DYRK2: variants seen among roughly 807,000 people sequenced by gnomAD.
DYRK2 encodes the protein dual specificity tyrosine phosphorylation regulated kinase 2.
DYRK2 carries 12 observed loss-of-function variants against 41.6 expected under a neutral mutation model. That is an observed-to-expected ratio of 0.29 (90% CI 0.18 to 0.47). DYRK2 has a LOEUF of 0.47. DYRK2 is among the 20% of genes least tolerant of loss of function. DYRK2 has a pLI of 1.00. For missense variants in DYRK2, 678 were observed against 798.4 expected (o/e 0.85, Z 1.82); for synonymous variants, 322 against 315.7 (o/e 1.02, Z -0.21).
Position 67,658,451 on chromosome 12 carries a change from G to A in DYRK2, c.1544G>A (p.Cys515Tyr). 6.3e-7 allele frequency: 1 copy of A among 1,595,248 alleles called. No homozygotes were observed. Among genetic ancestry groups the A allele is most frequent in the Non-Finnish European group, 8.5e-7 (1 of 1,171,090 alleles). Reference sequence around the variant, plus strand: ...CTTTTCCTTGACTTCTTAAAACAGTGTTTAGAGTGGGATCCTGCAGTGCGC... The same window carrying A: ...CTTTTCCTTGACTTCTTAAAACAGTATTTAGAGTGGGATCCTGCAGTGCGC... ...DPLFLDFLKQ[C>Y]LEWDPAVRMT... The change falls in exon 3 of 3, where the codon TGT (cysteine) becomes TAT (tyrosine). Residue 515 changes from cysteine (C) to tyrosine (Y), a missense_variant. This residue lies in a region of DYRK2 where 393 missense variants were observed against 519.1 expected (regional missense o/e 0.76). Transcript: ENST00000344096. The surrounding 1 kb of genome is among the most constrained non-coding windows in gnomAD (Gnocchi z 4.3).
In DYRK2 at chr12:67,658,182, A is replaced by G; in HGVS notation, c.1275A>G (p.Glu425=). 1.2e-6 allele frequency: 2 copies of G among 1,614,172 alleles called. No homozygotes were observed. The highest frequency in any genetic ancestry group is 1.7e-6 in the Non-Finnish European group (2 of 1,180,028). ...CGGGTTACCCCCTCTTGCCTGGGGA[A>G]GATGAAGGGGACCAGCTGGCCTGTA... ...LLTGYPLLPG[E]DEGDQLACMI... is the part of the protein sequence containing the mutation. Residue 425 remains glutamate (E), a synonymous_variant, in exon 3 of 3, where the codon GAA becomes GAG. Transcript: ENST00000344096. This position sits in a 1 kb window ranked among gnomAD's most constrained non-coding sequence, Gnocchi z 4.3.
Position 67,658,359 on chromosome 12 carries a change from G to C in DYRK2, c.1452G>C (p.Arg484Ser). 6.2e-7 allele frequency: 1 copy of C among 1,611,182 alleles called. No homozygotes were observed. The highest frequency in any genetic ancestry group is 1.3e-5 in the African/African-American group (1 of 74,876). The change falls in exon 3 of 3, where the codon AGG (arginine) becomes AGC (serine). Residue 484 changes from arginine (R) to serine (S), a missense_variant. Arg to Ser is a moderately radical substitution (Grantham distance 110). Around this residue, in one of 2 missense-constraint regions of DYRK2, gnomAD observed 393 missense variants for 519.1 expected, o/e 0.76. Transcript: ENST00000344096. The surrounding 1 kb of genome is among the most constrained non-coding windows in gnomAD (Gnocchi z 4.3). ...TCCTAAACGGAGGCCGTTCCCGGAG[G>C]GGGAAACTGAGGGGCCCACCGGAGA... ...SVVLNGGRSR[R>S]GKLRGPPESR...
At chr12:67,653,924 A>G (rs149622114) in intron 2 of DYRK2, among the ~76,000 whole-genome samples, 9 of 152,384 alleles carry the variant, frequency 5.9e-5, no homozygotes, top group African/African-American at 2.2e-4. Flanking sequence ...TCACCTAGGT[A>G]TGAGAAAGGA....
At chr12:67,653,933 G>C (rs946168504) in intron 2 of DYRK2, among the ~76,000 whole-genome samples, 1 of 152,180 alleles carries the variant, frequency 6.6e-6, no homozygotes, top group Non-Finnish European at 1.5e-5. Flanking sequence ...TATGAGAAAG[G>C]AGATTACAAG....
Position 67,649,169 on chromosome 12 carries a change from C to T in DYRK2, c.36C>T (p.Ala12=), listed in dbSNP as rs763381071. 2 of 1,513,020 alleles carry T rather than the reference C, an allele frequency of 1.3e-6. No individual in the cohort carries two copies. Among genetic ancestry groups the T allele is most frequent in the East Asian group, 2.8e-5 (1 of 35,290 alleles). 93.7% of individuals were successfully genotyped at this position (1,513,020 alleles called of 1,614,324 possible). A position where few individuals can be genotyped will look rare whatever the true frequency, so the allele number is the denominator to read the frequency against. Residue 12 remains alanine (A), a synonymous_variant, in exon 1 of 3, where the codon GCC becomes GCT. Coordinates refer to ENST00000344096, the MANE Select transcript of DYRK2 (RefSeq NM_006482.3). ...GGAAACCTTCGGCCGCCGCTCCCGCCGCCTACCCGACCGGTAAGGAGGCCG... is the reference window on the plus strand; with the variant it reads ...GGAAACCTTCGGCCGCCGCTCCCGCTGCCTACCCGACCGGTAAGGAGGCCG... ...LTRKPSAAAP[A]AYPTGRGGDS...
rs752858847 is a variant in DYRK2, at chr12:67,649,812, G to T, written c.65G>T (p.Ser22Ile). The stretch of plus-strand genomic sequence containing the variant: ...TGGCTTCCAGGCCGAGGTGGGGACA[G>T]CGCCGTTCGTCAGCTTCAGGCTTCC... ...AAYPTGRGGDSAVRQLQASPG... is the reference protein window; with the variant it reads ...AAYPTGRGGDIAVRQLQASPG... Residue 22 changes from serine to isoleucine, a missense_variant, in exon 2 of 3, where the codon AGC (serine) becomes ATC (isoleucine). Ser to Ile is a moderately radical substitution (Grantham distance 142). Around this residue, in one of 2 missense-constraint regions of DYRK2, gnomAD observed 285 missense variants for 279.2 expected, o/e 1.02. Coordinates refer to ENST00000344096, the MANE Select transcript of DYRK2 (RefSeq NM_006482.3). The T allele has an allele frequency of 2.6e-5, 34 of 1,329,034 alleles. No homozygotes were observed. The highest frequency in any genetic ancestry group is 1.5e-4 in the Admixed American group (5 of 32,782). 82.3% of individuals were successfully genotyped at this position (1,329,034 alleles called of 1,614,324 possible). A position where few individuals can be genotyped will look rare whatever the true frequency, so the allele number is the denominator to read the frequency against.
At chr12:67,652,996 A>ATTTTTTTTTTTTTTTTTTT (rs538431655) in intron 2 of DYRK2, among the ~76,000 whole-genome samples, 1 of 151,370 alleles carries the variant, frequency 6.6e-6, no homozygotes, top group African/African-American at 2.5e-5. Flanking sequence ...TGCCTGGCTA[A>ATTTTTTTTTTTTTTTTTTT]TTTTTGTATT....
intron 2 of DYRK2, among the ~76,000 whole-genome samples, chr12:67,654,754 ATGAGTTAAGTT>A (rs1592712793): frequency 6.6e-6 from 1 of 152,200 alleles, no homozygotes; most frequent in East Asian, 1.9e-4. Flanking sequence ...TAGAAAAATC[ATGAGTTAAGTT>A]TGAGTTGCTT....
rs188321581 is a variant in DYRK2, at chr12:67,658,520, G to A, written c.1613G>A (p.Arg538Gln). ...TTGCGGCACCCCTGGCTGAGGAGGC[G>A]GTTGCCAAAGCCTCCCACCGGGGAG... ...QALRHPWLRRRLPKPPTGEKT... is the reference protein window; with the variant it reads ...QALRHPWLRRQLPKPPTGEKT... Residue 538 changes from arginine (R) to glutamine (Q), a missense_variant, in exon 3 of 3, where the codon CGG (arginine) becomes CAG (glutamine). Physicochemically the swap from Arg to Gln is conservative, Grantham distance 43. Transcript: ENST00000344096. The surrounding 1 kb of genome is among the most constrained non-coding windows in gnomAD (Gnocchi z 4.3). 5.6e-6 allele frequency: 9 copies of A among 1,612,836 alleles called. No individual in the cohort carries two copies. The highest frequency in any genetic ancestry group is 1.7e-5 in the Admixed American group (1 of 59,902).
chr12:67,657,702 G>A lies in DYRK2; in HGVS notation c.795G>A (p.Glu265=), dbSNP rs368230168. The change falls in exon 3 of 3, where the codon GAG becomes GAA. Residue 265 remains glutamate, a synonymous_variant. Coordinates refer to ENST00000344096, the MANE Select transcript of DYRK2 (RefSeq NM_006482.3). This position sits in a 1 kb window ranked among gnomAD's most constrained non-coding sequence, Gnocchi z 4.8. ...NEKRFHRQAA[E]EIRILEHLRK... ...AGCGCTTCCACCGGCAAGCAGCGGA[G>A]GAGATCCGAATCCTGGAACACCTGC... 217 of 1,614,154 alleles carry A rather than the reference G, an allele frequency of 1.3e-4. No homozygotes were observed. Among genetic ancestry groups the A allele is most frequent in the South Asian group, 2.6e-4 (24 of 91,082 alleles).
At position 67,661,629 on chromosome 12, in the gene DYRK2, C is replaced by T. The variant is rs1287097927; in HGVS notation, c.*2916C>T. Reference sequence around the variant, plus strand: ...AATGGAACCCATCTCTGCAAAGATACATCTGTCTTAAATATCTAGTTACAG... The same window carrying T: ...AATGGAACCCATCTCTGCAAAGATATATCTGTCTTAAATATCTAGTTACAG... On this transcript the variant is annotated 3_prime_UTR_variant, in exon 3 of 3. Transcript: ENST00000344096. 1 of 166,964 alleles carries T rather than the reference C, an allele frequency of 6.0e-6. No individual in the cohort carries two copies. Among genetic ancestry groups the T allele is most frequent in the Non-Finnish European group, 1.5e-5 (1 of 68,088 alleles). 10.3% of individuals were successfully genotyped at this position (166,964 alleles called of 1,614,324 possible).
intron 2 of DYRK2, among the ~76,000 whole-genome samples, chr12:67,650,754 A>G (rs1473558573): frequency 3.9e-5 from 6 of 152,106 alleles, no homozygotes; most frequent in African/African-American, 1.2e-4. Flanking sequence ...TCACCCTTGG[A>G]TGGTGATGGC....
Position 67,649,839 on chromosome 12 carries a change from C to T in DYRK2, c.92C>T (p.Pro31Leu). The change falls in exon 2 of 3, where the codon CCG becomes CTG. Residue 31 changes from proline to leucine, a missense_variant. Pro to Leu is a moderately conservative substitution (Grantham distance 98). Transcript: ENST00000344096. ...GCCGTTCGTCAGCTTCAGGCTTCCC[C>T]GGGGCTCGGTGCAGGGGCCACCCGG... ...DSAVRQLQAS[P>L]GLGAGATRSG... 1 of 1,330,648 alleles carries T rather than the reference C, an allele frequency of 7.5e-7. No individual in the cohort carries two copies. The highest frequency in any genetic ancestry group is 9.7e-7 in the Non-Finnish European group (1 of 1,034,788). 82.4% of individuals were successfully genotyped at this position (1,330,648 alleles called of 1,614,324 possible).
Position 67,657,499 on chromosome 12 carries a change from C to T in DYRK2, c.592C>T (p.Pro198Ser). ...GAAGCGCCAGGGCATGACAGGTGGG[C>T]CCAACAATGGTGGCTATGATGATGA... ...AKKRQGMTGGPNNGGYDDDQG... is the reference protein window; with the variant it reads ...AKKRQGMTGGSNNGGYDDDQG... The change falls in exon 3 of 3, where the codon CCC becomes TCC. Residue 198 changes from proline (P) to serine (S), a missense_variant. Physicochemically the swap from Pro to Ser is moderately conservative, Grantham distance 74 (BLOSUM62 -1). Around this residue, in one of 2 missense-constraint regions of DYRK2, gnomAD observed 285 missense variants for 279.2 expected, o/e 1.02. Transcript: ENST00000344096. This position sits in a 1 kb window ranked among gnomAD's most constrained non-coding sequence, Gnocchi z 4.8. The T allele has an allele frequency of 6.2e-7, 1 of 1,613,928 alleles. No individual in the cohort carries two copies. The highest frequency in any genetic ancestry group is 8.5e-7 in the Non-Finnish European group (1 of 1,179,924).
intron 2 of DYRK2, among the ~76,000 whole-genome samples, chr12:67,651,962 A>G (rs1872334295): frequency 6.6e-6 from 1 of 152,114 alleles, no homozygotes; most frequent in African/African-American, 2.4e-5. Context: ...TTGTAGATCC[A>G]TATTCCCATA....
Position 67,658,739 on chromosome 12 carries a change from C to T in DYRK2, c.*26C>T. The T allele has an allele frequency of 6.4e-7, 1 of 1,571,064 alleles. No individual in the cohort carries two copies. Among genetic ancestry groups the T allele is most frequent in the Non-Finnish European group, 8.6e-7 (1 of 1,159,228 alleles). On this transcript the variant is annotated 3_prime_UTR_variant, in exon 3 of 3. Coordinates refer to ENST00000344096, the MANE Select transcript of DYRK2 (RefSeq NM_006482.3). This position sits in a 1 kb window ranked among gnomAD's most constrained non-coding sequence, Gnocchi z 4.3. ...GCTCACGTCCCCTGATGCTGGTAAC[C>T]TGAAAGATACGACATTGCTGAGCCT... is the stretch of plus-strand genomic sequence containing the variant.
In DYRK2 at chr12:67,663,429, G is replaced by C. The variant is rs572459162; in HGVS notation, c.*4716G>C. The C allele has an allele frequency of 6.6e-6, 1 of 152,226 alleles. No homozygotes were observed. Among genetic ancestry groups the C allele is most frequent in the African/African-American group, 2.4e-5 (1 of 41,552 alleles). 9.4% of individuals were successfully genotyped at this position (152,226 alleles called of 1,614,324 possible). ...ATTTATTTCCCTTCTGTTACCAACA[G>C]CCAAGGAATTACTTAGTGTGGCTCC... On this transcript the variant is annotated 3_prime_UTR_variant, in exon 3 of 3. Transcript: ENST00000344096.
rs1432056967 is a variant in DYRK2, at chr12:67,649,192, C to T, written c.49+10C>T. The T allele has an allele frequency of 6.7e-7, 1 of 1,495,146 alleles. No individual in the cohort carries two copies. 92.6% of individuals were successfully genotyped at this position (1,495,146 alleles called of 1,614,324 possible). On this transcript the variant is annotated intron_variant, in intron 1 of 2. Transcript: ENST00000344096. Reference sequence around the variant, plus strand: ...GCCGCCTACCCGACCGGTAAGGAGGCCGTGCCGCCGCGCCGCATCCCCGGA... The same window carrying T: ...GCCGCCTACCCGACCGGTAAGGAGGTCGTGCCGCCGCGCCGCATCCCCGGA...
intron 2 of DYRK2, among the ~76,000 whole-genome samples, chr12:67,650,679 G>C (rs1304046674): frequency 6.6e-6 from 1 of 152,202 alleles, no homozygotes; most frequent in Non-Finnish European, 1.5e-5. Context: ...ACTGGTTGCT[G>C]GTGGCTGCGG....
Sources: allele counts gnomAD v4.1 joint callset (sites outside exome capture counted in the v4.1 genomes callset), GRCh38; gene constraint gnomAD v4.1.1; regional missense constraint gnomAD v4.1.1; non-coding constraint Gnocchi (gnomAD v3.1); transcripts MANE v1.5; gene names NCBI Gene and HGNC (gene_info 2026-07-23, HGNC 2026-07-21).